LINGO2: variants seen among roughly 807,000 people sequenced by gnomAD.
LINGO2 encodes leucine rich repeat and Ig domain containing 2.
In LINGO2, 14 loss-of-function variants were observed where a neutral mutation model predicts 30.6. The observed-to-expected ratio is 0.46, with a 90% CI of 0.30 to 0.72. LINGO2 has a LOEUF of 0.72. Ranked by LOEUF, LINGO2 falls within the 30% of genes least tolerant of loss-of-function variation. The pLI is 0.07. For synonymous variants in LINGO2, 317 were observed against 288.5 expected (o/e 1.10, Z -1.00); for missense variants, 729 against 751.7 (o/e 0.97, Z 0.35).
the LINGO2 span, among the ~76,000 whole-genome samples, chr9:29,032,602 A>G: frequency 1.3e-5 from 2 of 152,278 alleles, no homozygotes; most frequent in South Asian, 4.1e-4. Flanking sequence ...ATCTCTTAGA[A>G]TCATTCAAGC....
chr9:28,160,790 A>C (rs2133597457), intron 4 of LINGO2, among the ~76,000 whole-genome samples: 1 of 152,340 alleles, frequency 6.6e-6, no homozygotes, highest in Admixed American at 6.5e-5. Context: ...GAATAAATAA[A>C]CGAACTGAGT....
intron 4 of LINGO2, among the ~76,000 whole-genome samples, chr9:28,225,691 A>G (rs773928114): frequency 1.4e-4 from 21 of 152,260 alleles, no homozygotes; most frequent in Admixed American, 3.3e-4. Flanking sequence ...CCTTAAATAG[A>G]AATATGAGCA....
chr9:28,663,509 G>A (rs928891181), intron 1 of LINGO2, among the ~76,000 whole-genome samples: 1 of 152,102 alleles, frequency 6.6e-6, no homozygotes, highest in Non-Finnish European at 1.5e-5. Context: ...CATGCCCTGT[G>A]AGAATGGCAT....
the LINGO2 span, among the ~76,000 whole-genome samples, chr9:29,101,314 G>C: frequency 1.2e-4 from 18 of 152,282 alleles, no homozygotes; most frequent in Middle Eastern, 0.01. Context: ...AATAAAGATA[G>C]GTTGGGGACT....
At chr9:28,935,224 C>T in the LINGO2 span, among the ~76,000 whole-genome samples, 1 of 152,030 alleles carries the variant, frequency 6.6e-6, no homozygotes, top group Non-Finnish European at 1.5e-5. Context: ...TTTAGATGTC[C>T]TAATATTCTT....
chr9:28,644,910 C>T (rs1827768246), intron 1 of LINGO2, among the ~76,000 whole-genome samples: 1 of 151,898 alleles, frequency 6.6e-6, no homozygotes. Context: ...TTAAAGGCTT[C>T]CTGATCCTTT....
At chr9:28,350,066 T>G (rs868005302) in intron 3 of LINGO2, among the ~76,000 whole-genome samples, 1 of 151,310 alleles carries the variant, frequency 6.6e-6, no homozygotes, top group South Asian at 2.1e-4. Context: ...TAAAGACCAT[T>G]GAGACTAGGA....
chr9:28,030,303 T>C (rs1823603073), intron 4 of LINGO2, among the ~76,000 whole-genome samples: 1 of 152,216 alleles, frequency 6.6e-6, no homozygotes, highest in Non-Finnish European at 1.5e-5. Context: ...TAAAACCAAC[T>C]GTATATTTAC....
At chr9:28,103,591 C>G (rs1224830436) in intron 4 of LINGO2, among the ~76,000 whole-genome samples, 1 of 152,138 alleles carries the variant, frequency 6.6e-6, no homozygotes, top group Non-Finnish European at 1.5e-5. Context: ...GCCACACTGA[C>G]CAGCAGCTTA....
At chr9:28,532,723 G>A (rs1004970197) in intron 1 of LINGO2, among the ~76,000 whole-genome samples, 4 of 152,048 alleles carry the variant, frequency 2.6e-5, no homozygotes, top group East Asian at 3.9e-4. Flanking sequence ...AGCCCAGCCC[G>A]CGTTGAAAGG....
chr9:28,367,898 C>A (rs1292242821), intron 3 of LINGO2, among the ~76,000 whole-genome samples: 2 of 151,960 alleles, frequency 1.3e-5, no homozygotes, highest in African/African-American at 2.4e-5. Flanking sequence ...AACTTTTTCC[C>A]CTATTTTTAA....
chr9:28,179,467 A>G (rs1226948287), intron 4 of LINGO2, among the ~76,000 whole-genome samples: 3 of 138,030 alleles, frequency 2.2e-5, no homozygotes, highest in African/African-American at 7.9e-5. Flanking sequence ...TAGTGTATAT[A>G]TACTATATAT....
At chr9:27,944,577 A>T (rs980847546), downstream of LINGO2, 1 of 152,210 alleles carries the variant, frequency 6.6e-6, no homozygotes, top group Admixed American at 6.5e-5. Flanking sequence ...CCAAAGGCAG[A>T]ATAATTCCCA....
the LINGO2 span, chr9:27,939,806 A>T: frequency 4.6e-5 from 7 of 152,170 alleles, no homozygotes; most frequent in Non-Finnish European, 1.5e-5. Flanking sequence ...TTGTGCTTGG[A>T]AATAATATGA....
intron 2 of LINGO2, among the ~76,000 whole-genome samples, chr9:28,432,881 G>A (rs1207879424): frequency 6.6e-6 from 1 of 151,986 alleles, no homozygotes; most frequent in Non-Finnish European, 1.5e-5. Flanking sequence ...CATATATACT[G>A]AAGATTAATC....
At chr9:28,557,082 C>T (rs939934320) in intron 1 of LINGO2, among the ~76,000 whole-genome samples, 1 of 152,078 alleles carries the variant, frequency 6.6e-6, no homozygotes, top group Non-Finnish European at 1.5e-5. Flanking sequence ...AGGACATAGG[C>T]ATGGGCAAGG....
the LINGO2 span, among the ~76,000 whole-genome samples, chr9:28,684,814 T>C: frequency 6.6e-6 from 1 of 152,056 alleles, no homozygotes; most frequent in African/African-American, 2.4e-5. Context: ...ACACTGCACC[T>C]GGACATTTTT....
rs555362692 is a variant in LINGO2, at chr9:28,052,462, G to T, written c.-86-40057C>A. ...AGAGAGCACATTTCTGGGACTTCTG[G>T]TTTTCACTATTGGGAACATCATTTC... On this transcript the variant is annotated intron_variant, in intron 4 of 5. Coordinates refer to ENST00000379992, the Ensembl canonical transcript of LINGO2. 1.4e-4 allele frequency among the ~76,000 whole-genome samples: 22 copies of T among 152,132 alleles called. No individual in the cohort carries two copies. In the South Asian group the frequency reaches 4.6e-3, roughly 32 times the overall value.
At chr9:28,176,001 C>A (rs1587142813) in intron 4 of LINGO2, among the ~76,000 whole-genome samples, 1 of 152,152 alleles carries the variant, frequency 6.6e-6, no homozygotes, top group East Asian at 1.9e-4. Flanking sequence ...GAATGATTAC[C>A]ACCTTTGCTC....
Sources: allele counts gnomAD v4.1 joint callset (sites outside exome capture counted in the v4.1 genomes callset), GRCh38; gene constraint gnomAD v4.1.1; transcripts MANE v1.5; gene names NCBI Gene and HGNC (gene_info 2026-07-23, HGNC 2026-07-21).